The following ARHGAP24 variants were observed in gnomAD, a reference collection of about 807,000 sequenced individuals.
ARHGAP24 encodes the protein rho GTPase-activating protein 24.
Under a neutral mutation model 76.4 loss-of-function variants are expected in ARHGAP24, and 50 were observed. The ratio of observed to expected loss-of-function variants is 0.65; its 90% CI spans 0.52 to 0.83. The LOEUF (loss-of-function observed/expected upper bound fraction) is 0.83. Among genes scored for constraint, ARHGAP24 ranks in the 40% least tolerant of loss-of-function variants. ARHGAP24 has a pLI of 0.00. For missense variants in ARHGAP24, 930 were observed against 914.2 expected, an observed-to-expected ratio of 1.02 and a Z score of -0.22; for synonymous variants, 345 against 323.3, an observed-to-expected ratio of 1.07 and a Z score of -0.72.
At chr4:85,667,501 C>A (rs111709469) in intron 2 of ARHGAP24, among the ~76,000 whole-genome samples, 2 of 152,130 alleles carry the variant, frequency 1.3e-5, no homozygotes, top group Non-Finnish European at 2.9e-5. Context: ...ATGCACTGCA[C>A]CCACTGTCCT....
At chr4:85,754,106 C>G (rs1056218571) in intron 3 of ARHGAP24, among the ~76,000 whole-genome samples, 1 of 152,154 alleles carries the variant, frequency 6.6e-6, no homozygotes, top group Admixed American at 6.5e-5. Context: ...AACCACCCAG[C>G]CTCTGGGAAC....
At chr4:85,513,734 A>T (rs1308361474) in intron 1 of ARHGAP24, among the ~76,000 whole-genome samples, 4 of 152,156 alleles carry the variant, frequency 2.6e-5, no homozygotes, top group African/African-American at 9.7e-5. Flanking sequence ...ATTGTATCTG[A>T]TATTTGATAT....
At chr4:85,876,949 A>AG (rs1332846244) in intron 3 of ARHGAP24, among the ~76,000 whole-genome samples, 1 of 151,836 alleles carries the variant, frequency 6.6e-6, no homozygotes, top group East Asian at 1.9e-4. Context: ...TATTTATAAA[A>AG]AAAACAGACT....
intron 5 of ARHGAP24, among the ~76,000 whole-genome samples, chr4:85,949,251 T>A (rs779232428): frequency 2.0e-5 from 3 of 152,174 alleles, no homozygotes; most frequent in African/African-American, 4.8e-5. Context: ...CCAAAACATA[T>A]TTTAGGTTTT....
At chr4:85,649,620 G>A (rs75013088) in intron 2 of ARHGAP24, among the ~76,000 whole-genome samples, 1,934 of 152,210 alleles carry the variant, frequency 0.013, 46 homozygotes, top group African/African-American at 0.044. Context: ...CAGTATGCCC[G>A]ATCCATAGAG....
Position 85,808,313 on chromosome 4 carries a change from C to G in ARHGAP24, c.268+86341C>G, listed in dbSNP as rs140289980. Among the ~76,000 whole-genome samples, 1,158 of 152,254 alleles carry G rather than the reference C, an allele frequency of 7.6e-3. 6 individuals carry two copies. The highest frequency in any genetic ancestry group is 0.01 in the Middle Eastern group (3 of 294). On this transcript the variant is annotated intron_variant, in intron 3 of 9. Coordinates refer to ENST00000395184, the MANE Select transcript of ARHGAP24 (RefSeq NM_001025616.3). ...GAGATGTTAACTTACTTTTCAACTC[C>G]CAGCAGCATTGTTTTGTAAATTATC...
chr4:85,744,622 T>C (rs1194794848), intron 3 of ARHGAP24, among the ~76,000 whole-genome samples: 4 of 152,084 alleles, frequency 2.6e-5, no homozygotes, highest in African/African-American at 4.8e-5. Context: ...CTGAGGTCTC[T>C]CCTAAACCCT....
intron 3 of ARHGAP24, among the ~76,000 whole-genome samples, chr4:85,911,405 A>G (rs7669712): frequency 0.3 from 45,511 of 152,180 alleles, 6,953 homozygotes; most frequent in South Asian, 0.43. Flanking sequence ...GAAAAAAAAA[A>G]TTAAAACAAT....
Position 85,777,692 on chromosome 4 carries a change from A to C in ARHGAP24, c.268+55720A>C, listed in dbSNP as rs1405261796. 2.6e-5 allele frequency among the ~76,000 whole-genome samples: 4 copies of C among 152,216 alleles called. No individual in the cohort carries two copies. The East Asian group carries it at 7.7e-4, about 29-fold the overall frequency. On this transcript the variant is annotated intron_variant, in intron 3 of 9. Coordinates refer to ENST00000395184, the MANE Select transcript of ARHGAP24 (RefSeq NM_001025616.3). ...TATTTGAAAATTCCCTACTTTTCTA[A>C]GGAAGCTATTGCTTGTCTGTTACAC... is the stretch of plus-strand genomic sequence containing the variant.
intron 1 of ARHGAP24, among the ~76,000 whole-genome samples, chr4:85,502,338 A>G (rs1360038138): frequency 6.6e-6 from 1 of 152,078 alleles, no homozygotes; most frequent in Admixed American, 6.5e-5. Flanking sequence ...CATGATATTG[A>G]TTCTTCCTAT....
intron 3 of ARHGAP24, among the ~76,000 whole-genome samples, chr4:85,888,070 G>A (rs1225761854): frequency 6.6e-6 from 1 of 151,952 alleles, no homozygotes; most frequent in South Asian, 2.1e-4. Context: ...GGCCTCATTT[G>A]AATTTCTTTG....
intron 3 of ARHGAP24, among the ~76,000 whole-genome samples, chr4:85,847,500 C>T (rs754295100): frequency 3.3e-5 from 5 of 151,982 alleles, no homozygotes; most frequent in African/African-American, 7.3e-5. Flanking sequence ...TAAAAAAGAA[C>T]GGGTGGAGGA....
intron 5 of ARHGAP24, among the ~76,000 whole-genome samples, chr4:85,954,878 C>T (rs943308050): frequency 6.6e-6 from 1 of 152,112 alleles, no homozygotes; most frequent in Non-Finnish European, 1.5e-5. Context: ...GGTGTGGTGG[C>T]GCATGCCTGT....
chr4:85,969,307 T>C (rs975957559), intron 5 of ARHGAP24, among the ~76,000 whole-genome samples: 1 of 152,156 alleles, frequency 6.6e-6, no homozygotes, highest in African/African-American at 2.4e-5. Flanking sequence ...AATAAATAGA[T>C]CATCAATGAA....
In ARHGAP24 at chr4:85,486,890, T is replaced by C. The variant is rs182303974; in HGVS notation, c.-21+11331T>C. Among the ~76,000 whole-genome samples, 749 of 152,184 alleles carry C rather than the reference T, an allele frequency of 4.9e-3. 5 individuals are homozygous for C. The highest frequency in any genetic ancestry group is 0.017 in the African/African-American group (707 of 41,524). ...GCTGTACAATATACTGAGTAGTTCC[T>C]ATCGCTCCTCCTGAACTTGTGCTGG... is the stretch of plus-strand genomic sequence containing the variant. On this transcript the variant is annotated intron_variant, in intron 1 of 9. Coordinates refer to ENST00000395184, the MANE Select transcript of ARHGAP24 (RefSeq NM_001025616.3).
chr4:85,673,181 A>C (rs1056486780), intron 2 of ARHGAP24, among the ~76,000 whole-genome samples: 1 of 152,114 alleles, frequency 6.6e-6, no homozygotes, highest in Admixed American at 6.6e-5. Flanking sequence ...CTTTTGTTCA[A>C]GTGCACTTCC....
At chr4:85,911,425 C>T (rs979058011) in intron 3 of ARHGAP24, among the ~76,000 whole-genome samples, 1 of 152,206 alleles carries the variant, frequency 6.6e-6, no homozygotes, top group African/African-American at 2.4e-5. Flanking sequence ...TGAAAAAGTC[C>T]TGGCAACATT....
chr4:85,483,440 C>T (rs1373105837), intron 1 of ARHGAP24, among the ~76,000 whole-genome samples: 1 of 151,996 alleles, frequency 6.6e-6, no homozygotes, highest in Non-Finnish European at 1.5e-5. Context: ...GGCGAAACTC[C>T]GTCTCTACTA....
chr4:85,761,302 C>A (rs17010777), intron 3 of ARHGAP24, among the ~76,000 whole-genome samples: 3,805 of 152,246 alleles, frequency 0.025, 157 homozygotes, highest in African/African-American at 0.087. Flanking sequence ...AGAGATAGTT[C>A]TCCAGGCCTT....
Sources: gnomAD v4.1 joint callset for allele counts (sites outside exome capture counted in the v4.1 genomes callset) on GRCh38, gnomAD v4.1.1 for gene constraint, MANE v1.5 for transcripts, NCBI Gene and HGNC (gene_info 2026-07-23, HGNC 2026-07-21) for gene names.